Variants in MROH9 observed in about 807,000 individuals in gnomAD.
The protein encoded by MROH9 is maestro heat-like repeat-containing protein family member 9.
Under a neutral mutation model 98.2 loss-of-function variants are expected in MROH9, and 92 were observed. The ratio of observed to expected loss-of-function variants is 0.94; its 90% CI spans 0.79 to 1.11. MROH9 has a LOEUF of 1.11. Among genes scored for constraint, MROH9 ranks in the 50% most tolerant of loss-of-function variants. MROH9 has a pLI of 0.00. For missense variants in MROH9, 1,057 were observed against 1,014.8 expected (o/e 1.04, Z -0.57); for synonymous variants, 397 against 368.9 (o/e 1.08, Z -0.87).
chr1:171,028,531 A>C (rs1652801180), intron 20 of MROH9, among the ~76,000 whole-genome samples: 1 of 152,128 alleles, frequency 6.6e-6, no homozygotes. Flanking sequence ...ATTACATGTG[A>C]AATCCAAAAT....
At chr1:170,969,956 C>T (rs147170141) in intron 7 of MROH9, among the ~76,000 whole-genome samples, 458 of 152,270 alleles carry the variant, frequency 3.0e-3, no homozygotes, top group Non-Finnish European at 4.9e-3. Context: ...CCACGATCCA[C>T]GCTGCCTTAC....
At chr1:170,989,225 G>A (rs1319471715) in intron 10 of MROH9, among the ~76,000 whole-genome samples, 1 of 152,172 alleles carries the variant, frequency 6.6e-6, no homozygotes, top group Non-Finnish European at 1.5e-5. Flanking sequence ...AAAATAAGAA[G>A]TGAGATGATC....
In MROH9 at chr1:171,014,081, A is replaced by T. The variant is rs1352892421; in HGVS notation, c.1597-36A>T. On this transcript the variant is annotated intron_variant, in intron 15 of 21. Transcript: ENST00000367759. Reference sequence around the variant, plus strand: ...TGACAGAAATCGTGCAGTGGCCTCTACTTTGCTTATAAACTTATTAACTAT... The same window carrying T: ...TGACAGAAATCGTGCAGTGGCCTCTTCTTTGCTTATAAACTTATTAACTAT... 2.6e-6 allele frequency: 4 copies of T among 1,529,480 alleles called. No homozygotes were observed. The South Asian group carries it at 4.8e-5, about 19-fold the overall frequency. 94.7% of individuals were successfully genotyped at this position (1,529,480 alleles called of 1,614,324 possible).
At chr1:170,975,155 C>A (rs1323651480) in intron 8 of MROH9, among the ~76,000 whole-genome samples, 2 of 151,768 alleles carry the variant, frequency 1.3e-5, no homozygotes, top group Non-Finnish European at 1.5e-5. Flanking sequence ...ATTCTAAATA[C>A]CCCAAGTAAA....
chr1:171,052,333 G>A lies in MROH9; in HGVS notation c.2282-9799G>A, dbSNP rs144729184. Among the ~76,000 whole-genome samples, 34 of 152,284 alleles carry A rather than the reference G, an allele frequency of 2.2e-4. No homozygotes were observed. The East Asian group carries it at 4.3e-3, about 19-fold the overall frequency. The stretch of plus-strand genomic sequence containing the variant: ...GAAGCCAGGCCAGGCAGGCCCATCC[G>A]TGGCCCCCCAGTGGTAGTCATAAGT... On this transcript the variant is annotated intron_variant, in intron 20 of 21. Coordinates refer to ENST00000367759, the MANE Select transcript of MROH9 (RefSeq NM_001163629.2).
intron 15 of MROH9, among the ~76,000 whole-genome samples, chr1:171,013,088 T>C (rs540473439): frequency 1.2e-4 from 19 of 152,324 alleles, no homozygotes; most frequent in African/African-American, 4.6e-4. Flanking sequence ...TTCACCATCC[T>C]TGAAGGTCTC....
chr1:170,998,372 T>C (rs1336072984), intron 15 of MROH9, 98 bp downstream of exon 15: 2 of 1,611,260 alleles, frequency 1.2e-6, no homozygotes, highest in East Asian at 2.2e-5. Flanking sequence ...CCTCTGAATG[T>C]TGGTTCTTAC....
chr1:170,995,068 C>A lies in MROH9; in HGVS notation c.1195-321C>A, dbSNP rs184509862. Among the ~76,000 whole-genome samples, 4 of 152,018 alleles carry A rather than the reference C, an allele frequency of 2.6e-5. No homozygotes were observed. In the East Asian group the frequency reaches 7.7e-4, roughly 29 times the overall value. ...GGTAGGACCTAGGTTATTAGTATGA[C>A]TGCTCTTCATGGCCACATAGGAAGG... On this transcript the variant is annotated intron_variant, in intron 12 of 21. Transcript: ENST00000367759.
rs770654118 is a variant in MROH9, at chr1:170,998,167, TATA to T, written c.1491_1493del (p.Asn498del). 17 of 1,606,566 alleles carry T rather than the reference TATA, an allele frequency of 1.1e-5. No individual in the cohort carries two copies. The highest frequency in any genetic ancestry group is 5.1e-5 in the Admixed American group (3 of 58,354). ...TCTCTTTTACAGAACTCTCAGTGAA[TATA>T]ACTTTCCACAGTTTCCGGAGACCCT... is the stretch of plus-strand genomic sequence containing the variant. On this transcript the variant is annotated inframe_deletion, in exon 15 of 22. Transcript: ENST00000367759.
intron 3 of MROH9, among the ~76,000 whole-genome samples, chr1:170,956,595 G>GTT (rs5778690): frequency 0.035 from 3,618 of 104,592 alleles, 217 homozygotes; most frequent in African/African-American, 0.12. Context: ...TTTTTTTTTT[G>GTT]TTTTTTTTTT....
At chr1:171,039,349 C>A (rs781080089) in intron 20 of MROH9, among the ~76,000 whole-genome samples, 2 of 152,104 alleles carry the variant, frequency 1.3e-5, no homozygotes, top group South Asian at 2.1e-4. Context: ...TAATTTATTT[C>A]TCTCTCATGC....
chr1:170,944,159 A>C (rs1649231273), intron 1 of MROH9, among the ~76,000 whole-genome samples: 2 of 152,040 alleles, frequency 1.3e-5, no homozygotes, highest in South Asian at 4.1e-4. Flanking sequence ...ATGAGGAGTG[A>C]CAGAGAAGAG....
chr1:170,991,286 C>T (rs1450800659), intron 11 of MROH9, among the ~76,000 whole-genome samples: 1 of 152,014 alleles, frequency 6.6e-6, no homozygotes, highest in Non-Finnish European at 1.5e-5. Context: ...AACATTTGCT[C>T]AGCCAAGAGG....
intron 21 of MROH9, among the ~76,000 whole-genome samples, chr1:171,062,993 C>CCATT (rs1306509479): frequency 6.6e-6 from 1 of 152,210 alleles, no homozygotes; most frequent in East Asian, 1.9e-4. Flanking sequence ...ATTCACTCAT[C>CCATT]CATTCATTCA....
chr1:170,998,054 A>G, intron 14 of MROH9, 100 bp from the exon 15 acceptor site: 3 of 867,686 alleles, frequency 3.5e-6, no homozygotes, highest in Non-Finnish European at 5.3e-6. Context: ...AATATCTTTC[A>G]TCTGGGAGGT....
intron 7 of MROH9, among the ~76,000 whole-genome samples, chr1:170,971,201 A>G (rs1326967982): frequency 1.3e-5 from 2 of 152,168 alleles, no homozygotes; most frequent in Non-Finnish European, 2.9e-5. Flanking sequence ...GAAATACAGA[A>G]ATATTTTGGT....
At chr1:170,951,714 G>T (rs1304055799) in intron 3 of MROH9, among the ~76,000 whole-genome samples, 7 of 152,110 alleles carry the variant, frequency 4.6e-5, no homozygotes, top group African/African-American at 1.7e-4. Context: ...AGTATGAGAG[G>T]TTGATCAGTG....
At chr1:171,017,045 G>C (rs1289931159) in intron 17 of MROH9, among the ~76,000 whole-genome samples, 1 of 152,092 alleles carries the variant, frequency 6.6e-6, no homozygotes, top group Non-Finnish European at 1.5e-5. Flanking sequence ...GAAAAGCACA[G>C]TATTATTAAA....
Position 171,014,460 on chromosome 1 carries a change from C to CTTTTT in MROH9, c.1734+217_1734+221dup, listed in dbSNP as rs200306246. Among the ~76,000 whole-genome samples the CTTTTT allele has an allele frequency of 4.0e-4, 57 of 141,658 alleles. No individual in the cohort carries two copies. In the South Asian group the frequency reaches 0.01, roughly 26 times the overall value. 92.9% of individuals were successfully genotyped at this position (141,658 alleles called of 152,430 possible). A position where few individuals can be genotyped will look rare whatever the true frequency, so the allele number is the denominator to read the frequency against. On this transcript the variant is annotated intron_variant, in intron 16 of 21. Transcript: ENST00000367759. ...TCCACTTAGTGGCTTTATCGCCTTA[C>CTTTTT]TTTTTTTTTTTTTTTACAGAAAATC...
Sources: allele counts gnomAD v4.1 joint callset (sites outside exome capture counted in the v4.1 genomes callset), GRCh38; gene constraint gnomAD v4.1.1; transcripts MANE v1.5; gene names NCBI Gene and HGNC (gene_info 2026-07-23, HGNC 2026-07-21).